The following MALRD1 variants were observed in gnomAD, a reference collection of about 807,000 sequenced individuals.
The protein encoded by MALRD1 is MAM and LDL-receptor class A domain-containing protein 1.
Under a neutral mutation model 242.1 loss-of-function variants are expected in MALRD1, and 247 were observed. The observed-to-expected ratio is 1.02, with a 90% confidence interval of 0.92 to 1.13. The LOEUF is 1.13. Among genes scored for constraint, MALRD1 ranks in the 50% most tolerant of loss-of-function variants. The pLI is 0.00. For synonymous variants in MALRD1, 995 were observed against 866.6 expected (o/e 1.15, Z -2.60); for missense variants, 2,989 against 2,533.1 (o/e 1.18, Z -3.86).
chr10:19,286,161 G>T lies in MALRD1; in HGVS notation c.3419+2980G>T, dbSNP rs1294123013. 2.1e-5 allele frequency among the ~76,000 whole-genome samples: 3 copies of T among 142,960 alleles called. No individual in the cohort carries two copies. The Admixed American group carries it at 2.2e-4, about 10-fold the overall frequency. The allele number at this position is 142,960 out of a possible 152,430, so 93.8% of individuals were successfully genotyped here. A position where few individuals can be genotyped will look rare whatever the true frequency, so the allele number is the denominator to read the frequency against. ...GCTTAAGGAGATTTTGGGCTGAGAC[G>T]ATGGGGTTTTCTAGATAAACAATCA... On this transcript the variant is annotated intron_variant, in intron 21 of 39. Coordinates refer to ENST00000454679, the MANE Select transcript of MALRD1 (RefSeq NM_001142308.3).
At chr10:19,134,700 T>A (rs1050868238) in intron 9 of MALRD1, among the ~76,000 whole-genome samples, 1 of 152,250 alleles carries the variant, frequency 6.6e-6, no homozygotes, top group Non-Finnish European at 1.5e-5. Context: ...TAGGCTGATA[T>A]CTGTTTTTAT....
intron 1 of MALRD1, among the ~76,000 whole-genome samples, chr10:19,058,620 G>A (rs1447565090): frequency 6.6e-6 from 1 of 151,896 alleles, no homozygotes; most frequent in African/African-American, 2.4e-5. Context: ...AATGAAAGAG[G>A]AAAAACATCT....
chr10:19,155,280 T>G (rs1388866800), intron 12 of MALRD1, 108 bp downstream of exon 12: 1 of 488,570 alleles, frequency 2.0e-6, no homozygotes, highest in African/African-American at 2.0e-5. Context: ...ACTTTAATGA[T>G]GAATTAAGAG....
chr10:19,465,647 C>G (rs575015610), intron 29 of MALRD1, among the ~76,000 whole-genome samples: 33 of 152,272 alleles, frequency 2.2e-4, no homozygotes, highest in African/African-American at 7.2e-4. Flanking sequence ...CCTCCCACCT[C>G]AGCCTCTCAA....
At chr10:19,380,565 A>C (rs1845793997) in intron 26 of MALRD1, among the ~76,000 whole-genome samples, 1 of 151,808 alleles carries the variant, frequency 6.6e-6, no homozygotes, top group South Asian at 2.1e-4. Flanking sequence ...CTTAATTCCC[A>C]ATTTTCTCTT....
Position 19,413,844 on chromosome 10 carries a change from G to T in MALRD1, c.4845+24235G>T, listed in dbSNP as rs896162552. On this transcript the variant is annotated intron_variant, in intron 28 of 39. Transcript: ENST00000454679. Reference sequence around the variant, plus strand: ...CGGGTACCTGTAGTCCCAGCCACTTGGGGGGCTGAGGCTGGAGAATCGCTT... The same window carrying T: ...CGGGTACCTGTAGTCCCAGCCACTTTGGGGGCTGAGGCTGGAGAATCGCTT... 3.0e-4 allele frequency among the ~76,000 whole-genome samples: 46 copies of T among 151,910 alleles called. 1 individual carries two copies. Among genetic ancestry groups the T allele is most frequent in the African/African-American group, 1.1e-3 (45 of 41,424 alleles).
intron 33 of MALRD1, among the ~76,000 whole-genome samples, chr10:19,571,832 A>G (rs1836558221): frequency 6.6e-6 from 1 of 152,180 alleles, no homozygotes; most frequent in African/African-American, 2.4e-5. Flanking sequence ...AAGGCGCCTG[A>G]ATTAACAGAT....
At chr10:19,629,208 A>G (rs73595880) in intron 36 of MALRD1, among the ~76,000 whole-genome samples, 10,602 of 152,208 alleles carry the variant, frequency 0.07, 873 homozygotes, top group African/African-American at 0.2. Context: ...GTAAGCATTC[A>G]CAGTTGGTGC....
At chr10:19,623,763 T>A (rs1218123322) in intron 36 of MALRD1, among the ~76,000 whole-genome samples, 1 of 152,102 alleles carries the variant, frequency 6.6e-6, no homozygotes, top group African/African-American at 2.4e-5. Flanking sequence ...GTAGGTTGCA[T>A]GAAGCCTCCC....
chr10:19,463,205 G>A (rs1004040646), intron 29 of MALRD1, among the ~76,000 whole-genome samples: 2 of 151,778 alleles, frequency 1.3e-5, no homozygotes, highest in African/African-American at 2.4e-5. Context: ...CGGGGAATAG[G>A]TGGTGTTTGG....
chr10:19,389,895 C>A (rs1045699671), intron 28 of MALRD1, among the ~76,000 whole-genome samples: 3 of 152,138 alleles, frequency 2.0e-5, no homozygotes, highest in Non-Finnish European at 2.9e-5. Context: ...TTCCTGGGCT[C>A]AAGCAATCCT....
intron 19 of MALRD1, among the ~76,000 whole-genome samples, chr10:19,270,699 A>G (rs74676864): frequency 0.015 from 2,350 of 152,198 alleles, 64 homozygotes; most frequent in African/African-American, 0.054. Flanking sequence ...GCAAGAACAG[A>G]AGTCAGAGGA....
intron 14 of MALRD1, among the ~76,000 whole-genome samples, chr10:19,199,651 A>G (rs529730390): frequency 6.6e-6 from 1 of 152,212 alleles, no homozygotes; most frequent in South Asian, 2.1e-4. Context: ...AAATACAAAC[A>G]GTAGCTGGGT....
intron 28 of MALRD1, among the ~76,000 whole-genome samples, chr10:19,415,927 A>G (rs1271725009): frequency 1.3e-5 from 2 of 152,206 alleles, no homozygotes; most frequent in Non-Finnish European, 2.9e-5. Flanking sequence ...TAAATTTGGT[A>G]AAACTCAACC....
At chr10:19,313,900 G>A (rs1375114932) in intron 21 of MALRD1, among the ~76,000 whole-genome samples, 1 of 151,474 alleles carries the variant, frequency 6.6e-6, no homozygotes, top group African/African-American at 2.4e-5. Context: ...ACCCTAGGTG[G>A]TTCTGTAACA....
In MALRD1 at chr10:19,206,555, A is replaced by G. The variant is rs78934156; in HGVS notation, c.2578+1290A>G. On this transcript the variant is annotated intron_variant, in intron 17 of 39. Transcript: ENST00000454679. ...TCAGACTTCCCTGTGTTCACTTAGT[A>G]GGATGTGATAATGCGAGTACAACTA... Among the ~76,000 whole-genome samples the G allele has an allele frequency of 1.3e-3, 202 of 152,330 alleles. 1 individual carries two copies. Among genetic ancestry groups the G allele is most frequent in the African/African-American group, 4.5e-3 (189 of 41,588 alleles).
chr10:19,389,026 C>G, intron 27 of MALRD1, among the ~76,000 whole-genome samples: 1 of 152,124 alleles, frequency 6.6e-6, no homozygotes, highest in East Asian at 1.9e-4. Flanking sequence ...TCCCATGTTA[C>G]TTACTAAATT....
chr10:19,084,895 A>G (rs887897678), intron 2 of MALRD1, among the ~76,000 whole-genome samples: 1 of 152,034 alleles, frequency 6.6e-6, no homozygotes, highest in Non-Finnish European at 1.5e-5. Context: ...ACTATTTGTC[A>G]CAAGATTATG....
At chr10:19,596,724 G>A (rs1279037048) in intron 34 of MALRD1, among the ~76,000 whole-genome samples, 2 of 146,794 alleles carry the variant, frequency 1.4e-5, no homozygotes, top group Non-Finnish European at 3.0e-5. Context: ...GGGTGACAAA[G>A]TGAGACTCTG....
Sources: gnomAD v4.1 joint callset for allele counts (sites outside exome capture counted in the v4.1 genomes callset) on GRCh38, gnomAD v4.1.1 for gene constraint, MANE v1.5 for transcripts, NCBI Gene and HGNC (gene_info 2026-07-23, HGNC 2026-07-21) for gene names.